The following C8orf89 variants were observed in gnomAD, a reference collection of about 807,000 sequenced individuals.
The protein encoded by C8orf89 is chromosome 8 open reading frame 89.
Under a neutral mutation model 15.8 loss-of-function variants are expected in C8orf89, and 14 were observed. The observed-to-expected ratio is 0.89, with a 90% CI of 0.59 to 1.39. The LOEUF is 1.39. Ranked by LOEUF, C8orf89 falls within the 40% of genes most tolerant of loss-of-function variation. The pLI, the probability that C8orf89 is intolerant of heterozygous loss-of-function variation, is 0.00. For synonymous variants in C8orf89, 55 were observed against 62.2 expected, an observed-to-expected ratio of 0.88 and a Z score of 0.54; for missense variants, 181 against 184.5, an observed-to-expected ratio of 0.98 and a Z score of 0.11.
At chr8:73,273,541 A>T in the C8orf89 span, among the ~76,000 whole-genome samples, 2 of 152,152 alleles carry the variant, frequency 1.3e-5, no homozygotes, top group Non-Finnish European at 2.9e-5. Context: ...AGGGCAGCTC[A>T]GTTTGGCCCT....
chr8:73,281,795 AG>A, the C8orf89 span, among the ~76,000 whole-genome samples: 2 of 152,210 alleles, frequency 1.3e-5, no homozygotes, highest in Non-Finnish European at 2.9e-5. Flanking sequence ...CGTTTGTTCT[AG>A]GAAGTGGCTG....
At position 73,254,102 on chromosome 8, in the gene C8orf89, G is replaced by A. The variant is rs1482376878; in HGVS notation, c.281+2871C>T. Among the ~76,000 whole-genome samples the A allele has an allele frequency of 2.3e-4, 35 of 152,092 alleles. 1 individual carries two copies. Among genetic ancestry groups the A allele is most frequent in the African/African-American group, 3.9e-4 (16 of 41,394 alleles). ...GATAGCTCTTACTATTTTGAGATAC[G>A]TCCCATCAATACCTAATTTATTGAG... is the stretch of plus-strand genomic sequence containing the variant. On this transcript the variant is annotated intron_variant, in intron 2 of 3. Coordinates refer to ENST00000624510, the MANE Select transcript of C8orf89 (RefSeq NM_001243237.3).
the C8orf89 span, among the ~76,000 whole-genome samples, chr8:73,283,326 A>G: frequency 6.6e-6 from 1 of 152,210 alleles, no homozygotes; most frequent in Non-Finnish European, 1.5e-5. Flanking sequence ...AAGTCACCCA[A>G]TGAAACACAG....
rs1813215522 is a variant in C8orf89 at position 73,250,145 on chromosome 8, C to T, written c.337+123G>A. The stretch of plus-strand genomic sequence containing the variant: ...CACTTAGTTTATAAAATAAACAAAG[C>T]TTAAAAGAAGTAGTAACAAAACAAA... On this transcript the variant is annotated intron_variant, in intron 3 of 3. Transcript: ENST00000624510. 4.9e-6 allele frequency: 3 copies of T among 615,356 alleles called. No homozygotes were observed. The Admixed American group carries it at 9.3e-5, about 19-fold the overall frequency. 38.1% of individuals were successfully genotyped at this position (615,356 alleles called of 1,614,324 possible).
chr8:73,261,782 G>C (rs113146784), upstream of C8orf89, among the ~76,000 whole-genome samples: 1,763 of 152,242 alleles, frequency 0.012, 18 homozygotes, highest in Non-Finnish European at 0.017. Context: ...GCAAAGGGAA[G>C]GGGAGAATCC....
chr8:73,270,005 A>G, the C8orf89 span, among the ~76,000 whole-genome samples: 1 of 152,366 alleles, frequency 6.6e-6, no homozygotes, highest in African/African-American at 2.4e-5. Flanking sequence ...CAACACTAGT[A>G]TGTTAATGGG....
intron 3 of C8orf89, among the ~76,000 whole-genome samples, chr8:73,244,628 G>T (rs1411423242): frequency 6.8e-6 from 1 of 147,996 alleles, no homozygotes; most frequent in South Asian, 2.1e-4. Flanking sequence ...CAGTGTAGTT[G>T]TTATTTTTCT....
upstream of C8orf89, among the ~76,000 whole-genome samples, chr8:73,260,207 A>G (rs2546214): frequency 0.34 from 51,388 of 152,114 alleles, 11,862 homozygotes; most frequent in African/African-American, 0.67. Context: ...TGCCCTTGAG[A>G]AGCTTAGAAT....
chr8:73,271,768 C>T, the C8orf89 span, among the ~76,000 whole-genome samples: 3 of 152,094 alleles, frequency 2.0e-5, no homozygotes. Context: ...GATTATTGGG[C>T]TTACAATTCC....
the C8orf89 span, among the ~76,000 whole-genome samples, chr8:73,277,213 C>T: frequency 3.9e-5 from 6 of 152,030 alleles, no homozygotes; most frequent in Non-Finnish European, 7.4e-5. Context: ...TGGGCCTAAA[C>T]AGAATATTAA....
At chr8:73,269,325 C>T in the C8orf89 span, among the ~76,000 whole-genome samples, 1 of 152,150 alleles carries the variant, frequency 6.6e-6, no homozygotes, top group Non-Finnish European at 1.5e-5. Context: ...TGTTATGCCA[C>T]AATCTCCCTA....
intron 2 of C8orf89, among the ~76,000 whole-genome samples, chr8:73,255,118 G>A (rs1197349089): frequency 6.6e-6 from 1 of 151,718 alleles, no homozygotes; most frequent in Non-Finnish European, 1.5e-5. Flanking sequence ...ATTGACAAAT[G>A]GGATCTAATT....
intron 2 of C8orf89, among the ~76,000 whole-genome samples, chr8:73,256,728 A>G (rs978662515): frequency 1.2e-4 from 15 of 120,052 alleles, no homozygotes; most frequent in African/African-American, 6.9e-4. Flanking sequence ...CTCTGTCTCA[A>G]AAAAAAAAAA....
the C8orf89 span, among the ~76,000 whole-genome samples, chr8:73,264,755 T>C: frequency 6.6e-6 from 1 of 152,192 alleles, no homozygotes; most frequent in Non-Finnish European, 1.5e-5. Context: ...CCTCCCAAAG[T>C]GCTGGGATTA....
chr8:73,243,025 C>G (rs1322189398), intron 3 of C8orf89, among the ~76,000 whole-genome samples: 1 of 152,110 alleles, frequency 6.6e-6, no homozygotes, highest in Non-Finnish European at 1.5e-5. Flanking sequence ...AACTGGAGAT[C>G]ATTATGTTAG....
the C8orf89 span, among the ~76,000 whole-genome samples, chr8:73,271,143 A>G: frequency 3.9e-5 from 6 of 152,300 alleles, no homozygotes; most frequent in East Asian, 1.2e-3. Flanking sequence ...CAGTCTCCCA[A>G]TCTTGAGAAC....
intron 3 of C8orf89, among the ~76,000 whole-genome samples, chr8:73,249,492 G>T (rs996889823): frequency 6.6e-6 from 1 of 152,068 alleles, no homozygotes; most frequent in Non-Finnish European, 1.5e-5. Flanking sequence ...CAGTGTGAAT[G>T]GTACCAGCTC....
At position 73,259,223 on chromosome 8, in the gene C8orf89, T is replaced by C. The variant is rs1462836339; in HGVS notation, c.127+109A>G. On this transcript the variant is annotated intron_variant, in intron 1 of 3. Transcript: ENST00000624510. ...CTTTTTCATCAATTTAAGATATAAT[T>C]CTTACATAAATGTCACAGAAAATGT... The C allele has an allele frequency of 3.0e-5, 19 of 637,564 alleles. No individual in the cohort carries two copies. In the East Asian group the frequency reaches 3.2e-4, roughly 11 times the overall value. 39.5% of individuals were successfully genotyped at this position (637,564 alleles called of 1,614,324 possible).
intron 3 of C8orf89, among the ~76,000 whole-genome samples, chr8:73,241,946 G>A (rs1217719714): frequency 2.0e-5 from 3 of 152,032 alleles, no homozygotes; most frequent in African/African-American, 7.2e-5. Flanking sequence ...TGGAGATTAT[G>A]CAGAAAAATG....
Sources: gnomAD v4.1 joint callset for allele counts (sites outside exome capture counted in the v4.1 genomes callset) on GRCh38, gnomAD v4.1.1 for gene constraint, MANE v1.5 for transcripts, NCBI Gene and HGNC (gene_info 2026-07-23, HGNC 2026-07-21) for gene names.